GRK5: variants seen among roughly 807,000 people sequenced by gnomAD.
The protein encoded by GRK5 is G protein-coupled receptor kinase 5, also known as g protein-coupled receptor kinase GRK5.
In GRK5, 40 loss-of-function variants were observed where a neutral mutation model predicts 78.4. The observed-to-expected ratio is 0.51, with a 90% confidence interval of 0.40 to 0.66. The LOEUF is 0.66. Among genes scored for constraint, GRK5 ranks in the 30% least tolerant of loss-of-function variants. GRK5 has a pLI of 0.00. For synonymous variants in GRK5, 289 were observed against 296.8 expected, an observed-to-expected ratio of 0.97 and a Z score of 0.27; for missense variants, 598 against 759.9, an observed-to-expected ratio of 0.79 and a Z score of 2.50.
chr10:119,212,111 C>G (rs1589681102), intron 1 of GRK5, among the ~76,000 whole-genome samples: 1 of 152,138 alleles, frequency 6.6e-6, no homozygotes, highest in South Asian at 2.1e-4. Context: ...TGTGTAAAAG[C>G]AGCCTGGCCT....
intron 1 of GRK5, among the ~76,000 whole-genome samples, chr10:119,302,275 A>T (rs2133723298): frequency 6.6e-6 from 1 of 152,328 alleles, no homozygotes. Flanking sequence ...TCCTCAGAAT[A>T]TATCCAGGAT....
chr10:119,361,321 T>G (rs1554911781), intron 2 of GRK5, among the ~76,000 whole-genome samples: 1 of 152,204 alleles, frequency 6.6e-6, no homozygotes, highest in Non-Finnish European at 1.5e-5. Flanking sequence ...CTGGTGGTCT[T>G]CGCTGCTTTC....
chr10:119,277,776 C>G (rs1464462897), intron 1 of GRK5, among the ~76,000 whole-genome samples: 1 of 152,180 alleles, frequency 6.6e-6, no homozygotes, highest in East Asian at 1.9e-4. Context: ...TTCTGTCGCT[C>G]TGGATTCGCT....
chr10:119,429,208 TG>T (rs1852766945), intron 6 of GRK5, among the ~76,000 whole-genome samples: 1 of 152,110 alleles, frequency 6.6e-6, no homozygotes, highest in Non-Finnish European at 1.5e-5. Flanking sequence ...AAATTCAAGA[TG>T]GGGTGCCAGA....
chr10:119,396,165 C>T (rs1852049465), intron 3 of GRK5, among the ~76,000 whole-genome samples: 1 of 152,218 alleles, frequency 6.6e-6, no homozygotes, highest in Non-Finnish European at 1.5e-5. Flanking sequence ...TCTGTATAAT[C>T]AGTGTATACC....
intron 3 of GRK5, among the ~76,000 whole-genome samples, chr10:119,383,642 G>A (rs113269612): frequency 3.9e-5 from 6 of 152,232 alleles, no homozygotes; most frequent in African/African-American, 7.2e-5. Context: ...AACATGTTGC[G>A]TGTGTATTGT....
At chr10:119,414,187 A>C (rs184150866) in intron 4 of GRK5, among the ~76,000 whole-genome samples, 32 of 152,354 alleles carry the variant, frequency 2.1e-4, no homozygotes, top group Non-Finnish European at 3.5e-4. Context: ...AATAGTTTAC[A>C]TGGGGAATGT....
chr10:119,346,043 C>T (rs1851086328), intron 2 of GRK5, among the ~76,000 whole-genome samples: 1 of 151,990 alleles, frequency 6.6e-6, no homozygotes, highest in African/African-American at 2.4e-5. Context: ...CCAAACATTC[C>T]CAAGGAACCC....
Position 119,335,172 on chromosome 10 carries a change from CT to C in GRK5, c.148+8562del, listed in dbSNP as rs1850857165. ...TCTCTCTCTCTCTCTCTCTCTCTCTCTCTCCCCCTCTCCCTCTCCCCCCACC... is the reference window on the plus strand; with the variant it reads ...TCTCTCTCTCTCTCTCTCTCTCTCTCCTCCCCCTCTCCCTCTCCCCCCACC... On this transcript the variant is annotated intron_variant, in intron 2 of 15. Coordinates refer to ENST00000392870, the MANE Select transcript of GRK5 (RefSeq NM_005308.3). Among the ~76,000 whole-genome samples, 17 of 139,292 alleles carry C rather than the reference CT, an allele frequency of 1.2e-4. 1 individual carries two copies. Among genetic ancestry groups the C allele is most frequent in the African/African-American group, 3.2e-4 (11 of 34,738 alleles). The allele number at this position is 139,292 out of a possible 152,430, so 91.4% of individuals were successfully genotyped here. A position where few individuals can be genotyped will look rare whatever the true frequency, so the allele number is the denominator to read the frequency against.
At chr10:119,353,708 TG>T (rs201261594) in intron 2 of GRK5, among the ~76,000 whole-genome samples, 2,025 of 152,304 alleles carry the variant, frequency 0.013, 35 homozygotes, top group African/African-American at 0.047. Flanking sequence ...CCAAAGGTGC[TG>T]GGGCCCCAGA....
At chr10:119,373,021 A>G (rs1372036494) in intron 2 of GRK5, among the ~76,000 whole-genome samples, 1 of 152,268 alleles carries the variant, frequency 6.6e-6, no homozygotes, top group East Asian at 1.9e-4. Flanking sequence ...AGAAACACTC[A>G]TAGCAATTCG....
Position 119,452,746 on chromosome 10 carries a change from A to G in GRK5, c.1480A>G (p.Thr494Ala). ...STVKGVNLDH[T>A]DDDFYSKFST... ...TGTGAAGGGCGTCAATCTGGACCAC[A>G]CAGACGACGACTTCTACTCCAAGTT... The change falls in exon 14 of 16, where the codon ACA becomes GCA. Residue 494 changes from threonine (T) to alanine (A), a missense_variant. Physicochemically the swap from Thr to Ala is moderately conservative, Grantham distance 58. Transcript: ENST00000392870. The surrounding 1 kb of genome is among the most constrained non-coding windows in gnomAD (Gnocchi z 4.4). The G allele has an allele frequency of 6.2e-7, 1 of 1,612,152 alleles. No individual in the cohort carries two copies. The highest frequency in any genetic ancestry group is 8.5e-7 in the Non-Finnish European group (1 of 1,179,064).
chr10:119,220,979 C>T (rs1415500145), intron 1 of GRK5, among the ~76,000 whole-genome samples: 2 of 152,056 alleles, frequency 1.3e-5, no homozygotes, highest in African/African-American at 4.8e-5. Context: ...CATGGCAAAA[C>T]CCTGTCTCTA....
chr10:119,431,283 C>A lies in GRK5; in HGVS notation c.598-104C>A. On this transcript the variant is annotated intron_variant, in intron 7 of 15. Coordinates refer to ENST00000392870, the MANE Select transcript of GRK5 (RefSeq NM_005308.3). The surrounding 1 kb of genome is among the most constrained non-coding windows in gnomAD (Gnocchi z 4.8). ...GAAGCCAGGCAGGGCCGGCTCTGAC[C>A]CCATCCATTCTCTACCTGGGAGGCC... The A allele has an allele frequency of 7.4e-7, 1 of 1,360,516 alleles. No homozygotes were observed. Among genetic ancestry groups the A allele is most frequent in the Non-Finnish European group, 1.0e-6 (1 of 1,003,114 alleles). 84.3% of individuals were successfully genotyped at this position (1,360,516 alleles called of 1,614,324 possible).
At chr10:119,390,405 G>A (rs1160659479) in intron 3 of GRK5, among the ~76,000 whole-genome samples, 1 of 152,100 alleles carries the variant, frequency 6.6e-6, no homozygotes, top group Non-Finnish European at 1.5e-5. Context: ...CCATCAGATC[G>A]GGCCAGGTGC....
rs762090782 is a variant in GRK5, at chr10:119,452,765, C to T, written c.1499C>T (p.Ser500Phe). Residue 500 changes from serine to phenylalanine, a missense_variant, in exon 14 of 16, where the codon TCC becomes TTC. By Grantham distance (155) the Ser-to-Phe change is radical (BLOSUM62 -2). Transcript: ENST00000392870. This position sits in a 1 kb window ranked among gnomAD's most constrained non-coding sequence, Gnocchi z 4.4. Reference sequence around the variant, plus strand: ...GACCACACAGACGACGACTTCTACTCCAAGTTCTCCACGGGCTCTGTGTCC... The same window carrying T: ...GACCACACAGACGACGACTTCTACTTCAAGTTCTCCACGGGCTCTGTGTCC... ...NLDHTDDDFYSKFSTGSVSIP... is the reference protein window; with the variant it reads ...NLDHTDDDFYFKFSTGSVSIP... 6.2e-7 allele frequency: 1 copy of T among 1,614,086 alleles called. No individual in the cohort carries two copies. Among genetic ancestry groups the T allele is most frequent in the East Asian group, 2.2e-5 (1 of 44,876 alleles).
intron 1 of GRK5, among the ~76,000 whole-genome samples, chr10:119,294,420 A>C (rs1218213058): frequency 6.6e-6 from 1 of 152,176 alleles, no homozygotes; most frequent in Non-Finnish European, 1.5e-5. Flanking sequence ...GTTGAATCCC[A>C]AAAGCAGATT....
At chr10:119,436,365 A>G (rs1250136025) in intron 8 of GRK5, among the ~76,000 whole-genome samples, 3 of 152,242 alleles carry the variant, frequency 2.0e-5, no homozygotes, top group Non-Finnish European at 4.4e-5. Flanking sequence ...CTGTGGAGGA[A>G]GCACAGACGC....
intron 1 of GRK5, among the ~76,000 whole-genome samples, chr10:119,230,116 G>A (rs1848801288): frequency 1.3e-5 from 2 of 152,142 alleles, no homozygotes; most frequent in Admixed American, 1.3e-4. Context: ...CAGGGAGCAG[G>A]AAGGCTGCAG....
Sources: allele counts gnomAD v4.1 joint callset (sites outside exome capture counted in the v4.1 genomes callset), GRCh38; gene constraint gnomAD v4.1.1; non-coding constraint Gnocchi (gnomAD v3.1); transcripts MANE v1.5; gene names NCBI Gene and HGNC (gene_info 2026-07-23, HGNC 2026-07-21).